SVOPL: variants seen among roughly 807,000 people sequenced by gnomAD.
SVOPL encodes putative transporter SVOPL.
SVOPL carries 60 observed loss-of-function variants against 61.0 expected under a neutral mutation model. That is an observed-to-expected ratio of 0.98 (90% CI 0.80 to 1.22). SVOPL has a LOEUF of 1.22. SVOPL is among the 50% of genes most tolerant of loss of function. SVOPL has a pLI of 0.00. For synonymous variants in SVOPL, 279 were observed against 250.0 expected, an observed-to-expected ratio of 1.12 and a Z score of -1.09; for missense variants, 662 against 643.9, an observed-to-expected ratio of 1.03 and a Z score of -0.30.
At chr7:138,615,340 G>C (rs1042023476) in intron 14 of SVOPL, among the ~76,000 whole-genome samples, 1 of 152,058 alleles carries the variant, frequency 6.6e-6, no homozygotes, top group Non-Finnish European at 1.5e-5. Flanking sequence ...GGCAGATCAC[G>C]AAGTCAGGAG....
intron 1 of SVOPL, among the ~76,000 whole-genome samples, chr7:138,695,386 C>T (rs1803043600): frequency 6.6e-6 from 1 of 152,158 alleles, no homozygotes; most frequent in Non-Finnish European, 1.5e-5. Context: ...GTGGAGCCCA[C>T]CTGTAGTCCT....
intron 7 of SVOPL, among the ~76,000 whole-genome samples, chr7:138,654,697 T>G (rs776476756): frequency 1.3e-4 from 20 of 152,054 alleles, no homozygotes; most frequent in Non-Finnish European, 2.9e-4. Flanking sequence ...AAAAAAGGTT[T>G]TTTAAAATAT....
chr7:138,654,612 G>C (rs1212067910), intron 7 of SVOPL, among the ~76,000 whole-genome samples: 1 of 148,480 alleles, frequency 6.7e-6, no homozygotes, highest in Admixed American at 6.9e-5. Flanking sequence ...CGATTCTCCT[G>C]CCTCAGCCTC....
chr7:138,631,140 G>A (rs1282299011), intron 9 of SVOPL, among the ~76,000 whole-genome samples: 1 of 152,044 alleles, frequency 6.6e-6, no homozygotes, highest in Non-Finnish European at 1.5e-5. Flanking sequence ...CCTAGATTTT[G>A]TTGTCACAGA....
Position 138,628,232 on chromosome 7 carries a change from C to T in SVOPL, c.995G>A (p.Ser332Asn), listed in dbSNP as rs1472173621. 3.1e-6 allele frequency: 5 copies of T among 1,614,206 alleles called. No homozygotes were observed. The South Asian group carries it at 3.3e-5, about 11-fold the overall frequency. Residue 332 changes from serine (S) to asparagine (N), a missense_variant, in exon 11 of 16, where the codon AGC becomes AAC. Ser to Asn is a conservative substitution (Grantham distance 46, BLOSUM62 1). Coordinates refer to ENST00000674285, the MANE Select transcript of SVOPL (RefSeq NM_001139456.2). ...VTGGDSGESQSPCYCHMFAPS... is the reference protein window; with the variant it reads ...VTGGDSGESQNPCYCHMFAPS... The stretch of plus-strand genomic sequence containing the variant: ...TGCAAACATGTGGCAGTAGCAGGGG[C>T]TCTGGCTCTCCCCTGAGTCCCCCCC...
intron 1 of SVOPL, among the ~76,000 whole-genome samples, chr7:138,697,467 G>A (rs937896727): frequency 6.3e-4 from 95 of 151,930 alleles, no homozygotes; most frequent in African/African-American, 2.1e-3. Context: ...AATTAGCCCT[G>A]TGTGGTGGCA....
intron 13 of SVOPL, among the ~76,000 whole-genome samples, chr7:138,624,529 A>G (rs17837468): frequency 0.16 from 25,034 of 152,096 alleles, 2,411 homozygotes; most frequent in South Asian, 0.31. Flanking sequence ...ATATGTCAAT[A>G]CATTTAACCC....
intron 12 of SVOPL, among the ~76,000 whole-genome samples, chr7:138,626,722 T>C (rs1007375550): frequency 6.6e-6 from 1 of 151,972 alleles, no homozygotes; most frequent in African/African-American, 2.4e-5. Context: ...GGTGTGTGCC[T>C]GTAGTCCTAG....
In SVOPL at chr7:138,662,833, A is replaced by G. The variant is rs528772270; in HGVS notation, c.345+241T>C. 110 of 1,362,210 alleles carry G rather than the reference A, an allele frequency of 8.1e-5. No homozygotes were observed. In the African/African-American group the frequency reaches 1.4e-3, roughly 17 times the overall value. The allele number at this position is 1,362,210 out of a possible 1,614,324, so 84.4% of individuals were successfully genotyped here. A position where few individuals can be genotyped will look rare whatever the true frequency, so the allele number is the denominator to read the frequency against. On this transcript the variant is annotated intron_variant, in intron 5 of 15. Coordinates refer to ENST00000674285, the MANE Select transcript of SVOPL (RefSeq NM_001139456.2). ...CTGGGTAGAGATTTCTTAGAACTCT[A>G]TAATACCCGCATCTCCTTTTACTCC...
chr7:138,631,297 G>C (rs1225911909), intron 9 of SVOPL, among the ~76,000 whole-genome samples: 4 of 152,080 alleles, frequency 2.6e-5, no homozygotes, highest in African/African-American at 4.8e-5. Context: ...ATGGAAAATG[G>C]GGTATCCATC....
At chr7:138,673,261 G>C (rs1279973423) in intron 3 of SVOPL, among the ~76,000 whole-genome samples, 1 of 152,176 alleles carries the variant, frequency 6.6e-6, no homozygotes, top group African/African-American at 2.4e-5. Context: ...ACATATTATA[G>C]TGACTTGTCT....
chr7:138,701,231 C>T lies in SVOPL; in HGVS notation c.-88G>A, dbSNP rs1803189762. The stretch of plus-strand genomic sequence containing the variant: ...ATTTCAGGCTCTTTTGCTCCCCTCA[C>T]CGTGGCCAAGTCTTAGACGGAAATT... On this transcript the variant is annotated 5_prime_UTR_variant, in exon 1 of 16. It adds an upstream start codon to the 5' untranslated region. Transcript: ENST00000674285. The T allele has an allele frequency of 6.6e-6, 1 of 152,214 alleles. No individual in the cohort carries two copies. The highest frequency in any genetic ancestry group is 1.5e-5 in the Non-Finnish European group (1 of 68,058). The allele number at this position is 152,214 out of a possible 1,614,324, so 9.4% of individuals were successfully genotyped here.
At chr7:138,603,259 G>GGA (rs769674399) in intron 14 of SVOPL, among the ~76,000 whole-genome samples, 15 of 152,162 alleles carry the variant, frequency 9.9e-5, no homozygotes, top group Non-Finnish European at 1.9e-4. Context: ...TCCATTTTGG[G>GGA]GAGGTCTTGT....
At chr7:138,596,580 A>G (rs1188437697) in intron 14 of SVOPL, 50 bp from the exon 15 acceptor site, 1 of 1,593,056 alleles carries the variant, frequency 6.3e-7, no homozygotes, top group South Asian at 1.1e-5. Flanking sequence ...AGTTACCTCT[A>G]AACTGTTCTT....
At chr7:138,631,960 T>TCTCACACA (rs935815206) in intron 9 of SVOPL, among the ~76,000 whole-genome samples, 4 of 146,966 alleles carry the variant, frequency 2.7e-5, no homozygotes, top group African/African-American at 1.0e-4. Context: ...TGCTCTGATA[T>TCTCACACA]CACACACACA....
chr7:138,699,136 A>C (rs916168099), intron 1 of SVOPL, among the ~76,000 whole-genome samples: 1 of 151,892 alleles, frequency 6.6e-6, no homozygotes, highest in Middle Eastern at 3.4e-3. Context: ...TAGGTGACAG[A>C]GTGAAACTCC....
At chr7:138,656,545 T>C (rs1190562771) in intron 6 of SVOPL, 34 bp from the exon 7 acceptor site, 1 of 1,604,352 alleles carries the variant, frequency 6.2e-7, no homozygotes. Context: ...ATAATTTTGT[T>C]TTAAAAAACT....
intron 7 of SVOPL, among the ~76,000 whole-genome samples, chr7:138,649,823 G>GA (rs947782892): frequency 3.5e-4 from 52 of 149,966 alleles, no homozygotes; most frequent in Non-Finnish European, 9.0e-5. Flanking sequence ...AGTGAATGGT[G>GA]AAAAAAAAGG....
In SVOPL at chr7:138,630,041, A is replaced by G. The variant is rs1488385776; in HGVS notation, c.863+8T>C. The G allele has an allele frequency of 1.2e-6, 2 of 1,610,976 alleles. No individual in the cohort carries two copies. Among genetic ancestry groups the G allele is most frequent in the South Asian group, 1.1e-5 (1 of 90,906 alleles). On this transcript the variant is annotated splice_region_variant and intron_variant, in intron 10 of 15. Transcript: ENST00000674285. ...TTAAAACTAGCTTTGAAATCATTACACTCTTACCATATGACCCAGATCTGT... is the reference window on the plus strand; with the variant it reads ...TTAAAACTAGCTTTGAAATCATTACGCTCTTACCATATGACCCAGATCTGT...
Sources: allele counts gnomAD v4.1 joint callset (sites outside exome capture counted in the v4.1 genomes callset), GRCh38; gene constraint gnomAD v4.1.1; transcripts MANE v1.5; gene names NCBI Gene and HGNC (gene_info 2026-07-23, HGNC 2026-07-21).